ZNF277: variants seen among roughly 807,000 people sequenced by gnomAD.
ZNF277 encodes the protein nuclear receptor-interacting factor 4.
In ZNF277, 55 loss-of-function variants were observed where a neutral mutation model predicts 60.7. The ratio of observed to expected loss-of-function variants is 0.91; its 90% CI spans 0.73 to 1.13. The LOEUF (loss-of-function observed/expected upper bound fraction) is 1.13. Among genes scored for constraint, ZNF277 ranks in the 50% most tolerant of loss-of-function variants. The pLI is 0.00. For missense variants in ZNF277, 510 were observed against 523.0 expected, an observed-to-expected ratio of 0.98 and a Z score of 0.24; for synonymous variants, 178 against 179.3, an observed-to-expected ratio of 0.99 and a Z score of 0.06.
intron 1 of ZNF277, among the ~76,000 whole-genome samples, chr7:112,215,095 G>T (rs928724485): frequency 3.2e-4 from 49 of 152,324 alleles, no homozygotes; most frequent in African/African-American, 1.2e-3. Context: ...TCAAGAGGCA[G>T]TAGCGAGTAC....
chr7:112,259,377 T>C (rs1465386477), intron 1 of ZNF277, among the ~76,000 whole-genome samples: 1 of 152,156 alleles, frequency 6.6e-6, no homozygotes, highest in Non-Finnish European at 1.5e-5. Flanking sequence ...CCTAACTAAT[T>C]AGCATAAGAG....
intron 2 of ZNF277, among the ~76,000 whole-genome samples, chr7:112,290,015 A>G (rs1792170314): frequency 1.3e-5 from 2 of 151,714 alleles, no homozygotes; most frequent in Non-Finnish European, 2.9e-5. Context: ...TTAAATTTTT[A>G]TGGTTTCACC....
chr7:112,214,467 T>C (rs578054754), intron 1 of ZNF277, among the ~76,000 whole-genome samples: 1 of 152,338 alleles, frequency 6.6e-6, no homozygotes, highest in African/African-American at 2.4e-5. Flanking sequence ...ACAAGTATGT[T>C]CTACTGACCT....
At chr7:112,314,841 T>C (rs771450689) in intron 4 of ZNF277, among the ~76,000 whole-genome samples, 1 of 152,034 alleles carries the variant, frequency 6.6e-6, no homozygotes, top group East Asian at 1.9e-4. Context: ...GTACAGAGTA[T>C]TGTGAATGCC....
rs762824873 is a variant in ZNF277 at position 112,310,478 on chromosome 7, A to AGAGAGAGAGAGAGAGAGAGAGAGAGAGT, written c.466-7703_466-7702insAGAGAGAGAGAGAGAGAGAGAGAGAGTG. Among the ~76,000 whole-genome samples, 238 of 125,508 alleles carry AGAGAGAGAGAGAGAGAGAGAGAGAGAGT rather than the reference A, an allele frequency of 1.9e-3. 10 individuals carry two copies. The highest frequency in any genetic ancestry group is 0.018 in the East Asian group (87 of 4,798). 82.3% of individuals were successfully genotyped at this position (125,508 alleles called of 152,430 possible). ...TTGAGAGAGAGAGAGAGAGAGAGAGAGTGTGTGTGTGTGTATGTATTTTAT... is the reference window on the plus strand; with the variant it reads ...TTGAGAGAGAGAGAGAGAGAGAGAGAGAGAGAGAGAGAGAGAGAGAGAGAGAGTGTGTGTGTGTGTGTATGTATTTTAT... On this transcript the variant is annotated intron_variant, in intron 4 of 11. Transcript: ENST00000361822.
chr7:112,286,351 G>C (rs1212260055), intron 1 of ZNF277, among the ~76,000 whole-genome samples: 1 of 152,202 alleles, frequency 6.6e-6, no homozygotes, highest in Non-Finnish European at 1.5e-5. Flanking sequence ...CCCAGCGTGA[G>C]AGCTTTGTTC....
chr7:112,260,510 TG>T (rs1256015126), intron 1 of ZNF277, among the ~76,000 whole-genome samples: 1 of 152,208 alleles, frequency 6.6e-6, no homozygotes, highest in East Asian at 1.9e-4. Context: ...TTTAATGACT[TG>T]CTTAATTTCT....
chr7:112,276,223 C>T (rs549998149), intron 1 of ZNF277, among the ~76,000 whole-genome samples: 2 of 152,074 alleles, frequency 1.3e-5, no homozygotes, highest in South Asian at 2.1e-4. Context: ...ATGGATAGTA[C>T]CTTGGGAATG....
chr7:112,295,994 G>A (rs1792317204), intron 3 of ZNF277, 37 bp downstream of exon 3: 7 of 1,458,310 alleles, frequency 4.8e-6, no homozygotes, highest in South Asian at 1.1e-5. Context: ...TTTCCCTACA[G>A]TATAAAAATT....
intron 1 of ZNF277, among the ~76,000 whole-genome samples, chr7:112,262,867 G>T (rs1315599863): frequency 6.6e-6 from 1 of 152,090 alleles, no homozygotes; most frequent in African/African-American, 2.4e-5. Flanking sequence ...AATAAAAATA[G>T]TACAGAGCAG....
intron 1 of ZNF277, among the ~76,000 whole-genome samples, chr7:112,277,769 C>G (rs989459516): frequency 6.6e-6 from 1 of 152,050 alleles, no homozygotes; most frequent in African/African-American, 2.4e-5. Flanking sequence ...GCCTATTTGT[C>G]TTATCATTAT....
At chr7:112,328,894 A>C (rs146003051) in intron 6 of ZNF277, among the ~76,000 whole-genome samples, 1,921 of 152,246 alleles carry the variant, frequency 0.013, 22 homozygotes, top group Non-Finnish European at 0.02. Flanking sequence ...TAAATAAATA[A>C]GAGGAAGCAA....
intron 1 of ZNF277, among the ~76,000 whole-genome samples, chr7:112,281,226 G>T (rs1003994073): frequency 6.6e-6 from 1 of 152,164 alleles, no homozygotes; most frequent in Non-Finnish European, 1.5e-5. Flanking sequence ...AGGGACTACG[G>T]CTTGGTAAAA....
At chr7:112,226,333 T>C (rs764655584) in intron 1 of ZNF277, among the ~76,000 whole-genome samples, 1 of 152,160 alleles carries the variant, frequency 6.6e-6, no homozygotes, top group Non-Finnish European at 1.5e-5. Flanking sequence ...CTCAGGGAGA[T>C]GTAGCATCCT....
At chr7:112,228,070 C>T (rs1291826552) in intron 1 of ZNF277, among the ~76,000 whole-genome samples, 1 of 151,878 alleles carries the variant, frequency 6.6e-6, no homozygotes, top group Non-Finnish European at 1.5e-5. Flanking sequence ...AGGGGAGAAT[C>T]CTTCCTTTCC....
In ZNF277 at chr7:112,310,518, G is replaced by A. The variant is rs577322749; in HGVS notation, c.466-7664G>A. On this transcript the variant is annotated intron_variant, in intron 4 of 11. Transcript: ENST00000361822. The stretch of plus-strand genomic sequence containing the variant: ...ATGTATTTTATTTTTTATTTGCAAT[G>A]TAGGTGCCACCCTACTTTTTTCTTT... Among the ~76,000 whole-genome samples, 13 of 136,800 alleles carry A rather than the reference G, an allele frequency of 9.5e-5. No homozygotes were observed. In the South Asian group the frequency reaches 2.1e-3, roughly 22 times the overall value. 89.7% of individuals were successfully genotyped at this position (136,800 alleles called of 152,430 possible).
In ZNF277 at chr7:112,279,030, A is replaced by G. The variant is rs567450500; in HGVS notation, c.92-7843A>G. On this transcript the variant is annotated intron_variant, in intron 1 of 11. Transcript: ENST00000361822. ...GTGACTGGCTTATTTCTCTTATAAT[A>G]TCTTCAAGGTTCATTCCTTTTAAAA... 1.2e-4 allele frequency among the ~76,000 whole-genome samples: 19 copies of G among 152,290 alleles called. No individual in the cohort carries two copies. The East Asian group carries it at 2.1e-3, about 17-fold the overall frequency.
intron 1 of ZNF277, among the ~76,000 whole-genome samples, chr7:112,216,431 T>G (rs1209346184): frequency 1.3e-5 from 2 of 152,176 alleles, no homozygotes; most frequent in Non-Finnish European, 2.9e-5. Flanking sequence ...CACCTCAGCC[T>G]CCTGAGTAGC....
intron 1 of ZNF277, among the ~76,000 whole-genome samples, chr7:112,236,197 T>G (rs1325893598): frequency 6.6e-6 from 1 of 152,084 alleles, no homozygotes; most frequent in African/African-American, 2.4e-5. Flanking sequence ...GTTCTCCTTT[T>G]TCAAGATATC....
Sources: allele counts gnomAD v4.1 joint callset (sites outside exome capture counted in the v4.1 genomes callset), GRCh38; gene constraint gnomAD v4.1.1; transcripts MANE v1.5; gene names NCBI Gene and HGNC (gene_info 2026-07-23, HGNC 2026-07-21).